The following URB1 variants were observed in gnomAD, a reference collection of about 807,000 sequenced individuals.
URB1 encodes nucleolar pre-ribosomal-associated protein 1.
Under a neutral mutation model 242.3 loss-of-function variants are expected in URB1, and 197 were observed. The observed-to-expected ratio is 0.81, with a 90% CI of 0.72 to 0.91. The LOEUF (loss-of-function observed/expected upper bound fraction) is 0.91, where lower values mean the gene tolerates loss of function less well. Among genes scored for constraint, URB1 ranks in the 40% least tolerant of loss-of-function variants. URB1 has a pLI of 0.00. For missense variants in URB1, 2,721 were observed against 2,860.5 expected, an observed-to-expected ratio of 0.95 and a Z score of 1.11; for synonymous variants, 1,153 against 1,201.8, an observed-to-expected ratio of 0.96 and a Z score of 0.84.
intron 35 of URB1, 98 bp downstream of exon 35, chr21:32,320,433 G>A (rs2123543538): frequency 2.2e-6 from 2 of 908,160 alleles, no homozygotes; most frequent in South Asian, 1.6e-5. Flanking sequence ...GGATTTTACT[G>A]GACATTTCCA....
chr21:32,357,590 C>G lies in URB1; in HGVS notation c.1936G>C (p.Val646Leu). 1 of 1,536,768 alleles carries G rather than the reference C, an allele frequency of 6.5e-7. No individual in the cohort carries two copies. The highest frequency in any genetic ancestry group is 8.8e-7 in the Non-Finnish European group (1 of 1,142,552). ...TTCAGTTGTAAATGGCTACTGGTCACAAACATTTTCATTAGTAAGTAAAAT... is the reference window on the plus strand; with the variant it reads ...TTCAGTTGTAAATGGCTACTGGTCAGAAACATTTTCATTAGTAAGTAAAAT... ...SVFYLLMKMF[V>L]TSSHLQLKSL... The change falls in exon 15 of 39, where the codon GTG becomes CTG. Residue 646 changes from valine (V) to leucine (L), a missense_variant. By Grantham distance (32) the Val-to-Leu change is conservative. Transcript: ENST00000382751.
Position 32,385,634 on chromosome 21 carries a change from A to G in URB1, c.193T>C (p.Tyr65His). Residue 65 changes from tyrosine (Y) to histidine (H), a missense_variant, in exon 2 of 39, where the codon TAT (tyrosine) becomes CAT (histidine). Physicochemically the swap from Tyr to His is moderately conservative, Grantham distance 83. Coordinates refer to ENST00000382751, the MANE Select transcript of URB1 (RefSeq NM_014825.3). ...TTTATATACCCTTCCACAACATCAT[A>G]CACATCTTCTCGTGGTAGCTTCTTG... ...AAKKLPREDV[Y>H]DVVEGYIKIS... The G allele has an allele frequency of 1.3e-6, 2 of 1,551,720 alleles. 1 individual carries two copies. The highest frequency in any genetic ancestry group is 2.4e-5 in the South Asian group (2 of 84,052).
chr21:32,339,445 C>T (rs976593970), intron 25 of URB1, among the ~76,000 whole-genome samples: 1 of 151,364 alleles, frequency 6.6e-6, no homozygotes, highest in African/African-American at 2.4e-5. Context: ...ACAGGGAGCA[C>T]TTCTCAAAAC....
chr21:32,385,581 G>A lies in URB1; in HGVS notation c.246C>T (p.Phe82=). 1 of 1,551,942 alleles carries A rather than the reference G, an allele frequency of 6.4e-7. No homozygotes were observed. The highest frequency in any genetic ancestry group is 1.7e-4 in the Middle Eastern group (1 of 5,994). The change falls in exon 2 of 39, where the codon TTC becomes TTT. Residue 82 remains phenylalanine (F), a synonymous_variant. Transcript: ENST00000382751. ...GTCGTTTCTCTCCACTTAGGAGCTG[G>A]AAAATTTCGACACACTCAACAGAAA... ...IKISVECVEI[F]QLLSGEKRPE...
chr21:32,317,161 G>A (rs2032701826), intron 37 of URB1, 96 bp from the exon 38 acceptor site: 20 of 1,432,246 alleles, frequency 1.4e-5, no homozygotes, highest in East Asian at 5.0e-5. Context: ...CACGAGGGGC[G>A]GCTTGCATGT....
At chr21:32,355,594 G>A (rs1233635188) in intron 15 of URB1, 29 bp from the exon 16 acceptor site, 1 of 1,524,224 alleles carries the variant, frequency 6.6e-7, no homozygotes, top group South Asian at 1.2e-5. Context: ...CGGTGAAAAA[G>A]TCAGAACAGA....
Position 32,314,320 on chromosome 21 carries a change from A to T in URB1, c.*598T>A. ...CTGCCTTAGCCTCCCGAGTAGCTGGAATTACAGGTGTGCGCTACCATGCCT... is the reference window on the plus strand; with the variant it reads ...CTGCCTTAGCCTCCCGAGTAGCTGGTATTACAGGTGTGCGCTACCATGCCT... On this transcript the variant is annotated 3_prime_UTR_variant, in exon 39 of 39. Coordinates refer to ENST00000382751, the MANE Select transcript of URB1 (RefSeq NM_014825.3). The T allele has an allele frequency of 2.3e-6, 1 of 436,096 alleles. No individual in the cohort carries two copies. 27.0% of individuals were successfully genotyped at this position (436,096 alleles called of 1,614,324 possible).
chr21:32,324,405 C>T lies in URB1; in HGVS notation c.5233+86G>A, dbSNP rs529511689. 2.9e-4 allele frequency: 325 copies of T among 1,122,782 alleles called. 1 individual carries two copies. Among genetic ancestry groups the T allele is most frequent in the Middle Eastern group, 1.5e-3 (8 of 5,168 alleles). 69.6% of individuals were successfully genotyped at this position (1,122,782 alleles called of 1,614,324 possible). A position where few individuals can be genotyped will look rare whatever the true frequency, so the allele number is the denominator to read the frequency against. ...GCCTTGAACACAGATGTGTGACCCA[C>T]TATACCTGTGGGACTAATCCCTAGA... is the stretch of plus-strand genomic sequence containing the variant. On this transcript the variant is annotated intron_variant, in intron 32 of 38. Transcript: ENST00000382751.
chr21:32,374,777 T>C (rs972159636), intron 6 of URB1, among the ~76,000 whole-genome samples: 4 of 152,222 alleles, frequency 2.6e-5, no homozygotes, highest in African/African-American at 9.7e-5. Flanking sequence ...GTTGTGACAA[T>C]GCAAAATGTC....
intron 1 of URB1, among the ~76,000 whole-genome samples, chr21:32,388,128 C>T (rs1460439314): frequency 2.0e-5 from 3 of 152,140 alleles, no homozygotes; most frequent in Admixed American, 6.5e-5. Flanking sequence ...CAAAAACATA[C>T]CAGAAAAGAA....
chr21:32,373,794 T>C, intron 6 of URB1, 22 bp from the exon 7 acceptor site: 1 of 1,491,762 alleles, frequency 6.7e-7, no homozygotes, highest in Non-Finnish European at 8.9e-7. Context: ...ATAAAACAAA[T>C]TATTAAAAAA....
In URB1 at chr21:32,355,427, T is replaced by C. The variant is rs1048050648; in HGVS notation, c.2106+22A>G. On this transcript the variant is annotated intron_variant, in intron 16 of 38. Coordinates refer to ENST00000382751, the MANE Select transcript of URB1 (RefSeq NM_014825.3). The stretch of plus-strand genomic sequence containing the variant: ...ATAATTATCTCTGAGCATGTTCCTT[T>C]ATGTGGGAAATATGTGCTTACGCGT... The C allele has an allele frequency of 5.2e-6, 8 of 1,542,880 alleles. No individual in the cohort carries two copies. In the African/African-American group the frequency reaches 1.1e-4, roughly 21 times the overall value.
rs1448282962 is a variant in URB1, at chr21:32,347,331, G to C, written c.3493C>G (p.Pro1165Ala). 4 of 1,551,296 alleles carry C rather than the reference G, an allele frequency of 2.6e-6. No homozygotes were observed. Among genetic ancestry groups the C allele is most frequent in the Non-Finnish European group, 3.5e-6 (4 of 1,146,998 alleles). Residue 1165 changes from proline to alanine, a missense_variant, in exon 22 of 39, where the codon CCC becomes GCC. Transcript: ENST00000382751. Reference protein sequence around the residue: ...KTLVQLLTCSPQDQLQSGELL... With the variant: ...KTLVQLLTCSAQDQLQSGELL... The stretch of plus-strand genomic sequence containing the variant: ...TCACCACTCTGCAGCTGATCCTGGG[G>C]GCTGCAGGTCAGCAGCTGCACCAGG...
intron 6 of URB1, among the ~76,000 whole-genome samples, chr21:32,374,882 A>G (rs1020696859): frequency 6.6e-6 from 1 of 152,230 alleles, no homozygotes; most frequent in Non-Finnish European, 1.5e-5. Flanking sequence ...TTTCATGCTT[A>G]TTAGCCATTT....
At chr21:32,383,367 A>C (rs963892867) in intron 4 of URB1, 55 bp downstream of exon 4, 1 of 1,510,744 alleles carries the variant, frequency 6.6e-7, no homozygotes, top group Non-Finnish European at 8.9e-7. Flanking sequence ...AAACCACTAC[A>C]GTCCTCCAAG....
chr21:32,347,379 G>A lies in URB1; in HGVS notation c.3445C>T (p.His1149Tyr). Residue 1149 changes from histidine (H) to tyrosine (Y), a missense_variant, in exon 22 of 39, where the codon CAC becomes TAC. His to Tyr is a moderately conservative substitution (Grantham distance 83). Transcript: ENST00000382751. ...AGGGTCTTTCCAAGAGCATTCAGGT[G>A]TCTTTCCTTCCCGGGGGATTTCGTG... ...QPTKSPGKER[H>Y]LNALGKTLVQ... 5.2e-6 allele frequency: 8 copies of A among 1,551,498 alleles called. No individual in the cohort carries two copies. Among genetic ancestry groups the A allele is most frequent in the Non-Finnish European group, 6.1e-6 (7 of 1,146,994 alleles).
chr21:32,311,851 A>C lies in URB1; in HGVS notation c.*3067T>G. ...ACTGGCCCTGACCAGCCGCTACGAC[A>C]GGAGAGCTCCTCCACCTTGCCCCTC... is the stretch of plus-strand genomic sequence containing the variant. On this transcript the variant is annotated 3_prime_UTR_variant, in exon 39 of 39. Coordinates refer to ENST00000382751, the MANE Select transcript of URB1 (RefSeq NM_014825.3). 3 of 1,614,140 alleles carry C rather than the reference A, an allele frequency of 1.9e-6. No homozygotes were observed. The highest frequency in any genetic ancestry group is 2.2e-5 in the East Asian group (1 of 44,868).
At chr21:32,384,732 A>T (rs960242232) in intron 2 of URB1, among the ~76,000 whole-genome samples, 1 of 152,240 alleles carries the variant, frequency 6.6e-6, no homozygotes, top group Admixed American at 6.5e-5. Context: ...CTGTAATCCC[A>T]GCACTTTGGG....
Position 32,313,186 on chromosome 21 carries a change from T to C in URB1, c.*1732A>G, listed in dbSNP as rs1050439595. On this transcript the variant is annotated 3_prime_UTR_variant, in exon 39 of 39. Transcript: ENST00000382751. ...GGCAGCTTAGGCCTGGAGCCAGGGATGAAGCCGTGGAAATCCACCCCACCT... is the reference window on the plus strand; with the variant it reads ...GGCAGCTTAGGCCTGGAGCCAGGGACGAAGCCGTGGAAATCCACCCCACCT... 6.6e-6 allele frequency: 1 copy of C among 152,320 alleles called. No individual in the cohort carries two copies. The highest frequency in any genetic ancestry group is 1.5e-5 in the Non-Finnish European group (1 of 68,142). 9.4% of individuals were successfully genotyped at this position (152,320 alleles called of 1,614,324 possible). A position where few individuals can be genotyped will look rare whatever the true frequency, so the allele number is the denominator to read the frequency against.
Sources: allele counts gnomAD v4.1 joint callset (sites outside exome capture counted in the v4.1 genomes callset), GRCh38; gene constraint gnomAD v4.1.1; transcripts MANE v1.5; gene names NCBI Gene and HGNC (gene_info 2026-07-23, HGNC 2026-07-21).